Variants in PCSK2 observed in about 807,000 individuals in gnomAD.
The protein encoded by PCSK2 is proprotein convertase subtilisin/kexin type 2, also known as neuroendocrine convertase 2.
Under a neutral mutation model 69.7 loss-of-function variants are expected in PCSK2, and 14 were observed. The ratio of observed to expected loss-of-function variants is 0.20; its 90% CI spans 0.13 to 0.31. PCSK2 has a LOEUF of 0.31. Ranked by LOEUF, PCSK2 falls within the 10% of genes least tolerant of loss-of-function variation. The probability of loss-of-function intolerance (pLI) is 1.00; values close to 1 mark genes in which losing one functional copy is unlikely to be tolerated. For synonymous variants in PCSK2, 307 were observed against 320.7 expected, an observed-to-expected ratio of 0.96 and a Z score of 0.46; for missense variants, 544 against 842.5, an observed-to-expected ratio of 0.65 and a Z score of 4.39.
At chr20:17,258,328 C>A (rs1273771885) in intron 1 of PCSK2, among the ~76,000 whole-genome samples, 1 of 152,192 alleles carries the variant, frequency 6.6e-6, no homozygotes, top group Non-Finnish European at 1.5e-5. Context: ...TTGCTGCAAA[C>A]CTCTTGTCAA....
chr20:17,402,491 C>G (rs1454484150), intron 5 of PCSK2, among the ~76,000 whole-genome samples: 1 of 151,896 alleles, frequency 6.6e-6, no homozygotes, highest in Non-Finnish European at 1.5e-5. Flanking sequence ...GCCAACATGG[C>G]AAAACCCCGT....
chr20:17,399,173 A>G (rs939078552), intron 5 of PCSK2, among the ~76,000 whole-genome samples: 25 of 152,352 alleles, frequency 1.6e-4, no homozygotes, highest in African/African-American at 6.0e-4. Flanking sequence ...GTATTTTAAG[A>G]CAGATCATCT....
chr20:17,263,819 C>T (rs1461601409), intron 2 of PCSK2, among the ~76,000 whole-genome samples: 1 of 152,132 alleles, frequency 6.6e-6, no homozygotes, highest in Non-Finnish European at 1.5e-5. Context: ...CAAAGCGGGA[C>T]AATGTGTCTG....
intron 1 of PCSK2, among the ~76,000 whole-genome samples, chr20:17,237,707 T>C (rs1261484788): frequency 2.6e-5 from 4 of 152,136 alleles, no homozygotes; most frequent in East Asian, 1.9e-4. Context: ...TGCAAGTAGT[T>C]TACTTAAAGA....
At chr20:17,269,169 G>A (rs1329907628) in intron 2 of PCSK2, among the ~76,000 whole-genome samples, 2 of 152,174 alleles carry the variant, frequency 1.3e-5, no homozygotes, top group Non-Finnish European at 1.5e-5. Context: ...ATGGACTTAA[G>A]GATCTAGGAG....
At chr20:17,364,442 G>A (rs1005157880) in intron 4 of PCSK2, among the ~76,000 whole-genome samples, 11 of 152,204 alleles carry the variant, frequency 7.2e-5, no homozygotes, top group African/African-American at 2.2e-4. Context: ...TAGACTCACA[G>A]TTCCATGTGG....
chr20:17,403,355 A>G (rs1194794215), intron 5 of PCSK2, among the ~76,000 whole-genome samples: 1 of 152,256 alleles, frequency 6.6e-6, no homozygotes, highest in Non-Finnish European at 1.5e-5. Context: ...GCGGAACATT[A>G]TCGTTAAACC....
chr20:17,436,452 T>C (rs765805179), intron 7 of PCSK2, among the ~76,000 whole-genome samples: 1 of 152,238 alleles, frequency 6.6e-6, no homozygotes, highest in Admixed American at 6.5e-5. Flanking sequence ...TCTCCCATCA[T>C]GAATTCTAGT....
intron 2 of PCSK2, among the ~76,000 whole-genome samples, chr20:17,313,033 A>C (rs1454860792): frequency 1.3e-5 from 2 of 152,230 alleles, no homozygotes; most frequent in Non-Finnish European, 2.9e-5. Context: ...GAAGCCACAT[A>C]GGTGATCTTA....
rs531621136 is a variant in PCSK2 at position 17,470,273 on chromosome 20, C to T, written c.1430+4720C>T. 6.6e-5 allele frequency among the ~76,000 whole-genome samples: 10 copies of T among 152,196 alleles called. No homozygotes were observed. In the East Asian group the frequency reaches 1.5e-3, roughly 24 times the overall value. On this transcript the variant is annotated intron_variant, in intron 11 of 11. Transcript: ENST00000262545. ...TATTGAGTGCTAGAAAGTGGATGAC[C>T]GTGATTAAGAAACAAGAGTTTTCAT...
At chr20:17,304,500 C>T (rs1989265014) in intron 2 of PCSK2, among the ~76,000 whole-genome samples, 1 of 152,180 alleles carries the variant, frequency 6.6e-6, no homozygotes, top group African/African-American at 2.4e-5. Context: ...TGAAACGGAG[C>T]ACAGGAAGCT....
At chr20:17,374,858 G>C (rs552449709) in intron 5 of PCSK2, among the ~76,000 whole-genome samples, 1 of 152,154 alleles carries the variant, frequency 6.6e-6, no homozygotes, top group Non-Finnish European at 1.5e-5. Context: ...GGGCCCTGCA[G>C]ACAGAGTCTT....
chr20:17,424,595 C>A (rs892366699), intron 6 of PCSK2, among the ~76,000 whole-genome samples: 2 of 152,002 alleles, frequency 1.3e-5, no homozygotes, highest in Admixed American at 6.5e-5. Flanking sequence ...CTGGTTCATG[C>A]GATTCTCCTG....
upstream of PCSK2, chr20:17,226,284 G>A (rs1484239353): frequency 6.6e-6 from 1 of 152,306 alleles, no homozygotes; most frequent in Non-Finnish European, 1.5e-5. Flanking sequence ...GTCTCCTGCT[G>A]GGCTTCCCAG....
chr20:17,239,883 C>G (rs1220424271), intron 1 of PCSK2, among the ~76,000 whole-genome samples: 6 of 103,054 alleles, frequency 5.8e-5, no homozygotes, highest in African/African-American at 3.9e-5. Context: ...GAGATGAAGT[C>G]TCACTCTGTT....
intron 5 of PCSK2, among the ~76,000 whole-genome samples, chr20:17,408,088 CA>C: frequency 6.6e-6 from 1 of 152,264 alleles, no homozygotes; most frequent in Non-Finnish European, 1.5e-5. Context: ...TGATAAAGCA[CA>C]GTTCCTAAAT....
At chr20:17,413,612 TAGAC>T (rs1407120986) in intron 6 of PCSK2, among the ~76,000 whole-genome samples, 15 of 152,120 alleles carry the variant, frequency 9.9e-5, no homozygotes, top group Admixed American at 9.8e-4. Context: ...CTGTCAATAT[TAGAC>T]AGATCAACGA....
chr20:17,346,174 G>A (rs558277133), intron 2 of PCSK2, among the ~76,000 whole-genome samples: 1 of 152,274 alleles, frequency 6.6e-6, no homozygotes, highest in African/African-American at 2.4e-5. Context: ...AATGAAGGAG[G>A]CTTTGCAAGA....
chr20:17,297,727 G>T (rs117950698), intron 2 of PCSK2, among the ~76,000 whole-genome samples: 7 of 152,282 alleles, frequency 4.6e-5, no homozygotes, highest in African/African-American at 1.2e-4. Context: ...TCATGTAATG[G>T]TTTTTGCCTT....
Sources: gnomAD v4.1 joint callset for allele counts (sites outside exome capture counted in the v4.1 genomes callset) on GRCh38, gnomAD v4.1.1 for gene constraint, MANE v1.5 for transcripts, NCBI Gene and HGNC (gene_info 2026-07-23, HGNC 2026-07-21) for gene names.